Variants in TESMIN observed in about 807,000 individuals in gnomAD.
The protein encoded by TESMIN is CXC domain containing 2.
Under a neutral mutation model 47.4 loss-of-function variants are expected in TESMIN, and 34 were observed. That is an observed-to-expected ratio of 0.72 (90% CI 0.55 to 0.96). TESMIN has a LOEUF of 0.96. Ranked by LOEUF, TESMIN falls within the 40% of genes least tolerant of loss-of-function variation. The probability of loss-of-function intolerance (pLI) is 0.00; values close to 1 mark genes in which losing one functional copy is unlikely to be tolerated. For synonymous variants in TESMIN, 278 were observed against 258.9 expected, an observed-to-expected ratio of 1.07 and a Z score of -0.71; for missense variants, 610 against 637.2, an observed-to-expected ratio of 0.96 and a Z score of 0.46.
intron 6 of TESMIN, among the ~76,000 whole-genome samples, chr11:68,725,937 C>A (rs1172545424): frequency 6.6e-6 from 1 of 152,096 alleles, no homozygotes; most frequent in African/African-American, 2.4e-5. Context: ...ATTCAGAGGG[C>A]CAAGCTAAAA....
At chr11:68,714,082 C>T (rs372667284) in intron 7 of TESMIN, among the ~76,000 whole-genome samples, 1 of 152,196 alleles carries the variant, frequency 6.6e-6, no homozygotes, top group East Asian at 1.9e-4. Context: ...CAAATACATA[C>T]ATATCTTTAC....
chr11:68,711,523 G>A (rs537242348), intron 8 of TESMIN, among the ~76,000 whole-genome samples: 2 of 152,158 alleles, frequency 1.3e-5, no homozygotes, highest in South Asian at 2.1e-4. Flanking sequence ...TGACAGAGTG[G>A]AGGCCGAGTG....
intron 8 of TESMIN, among the ~76,000 whole-genome samples, chr11:68,711,315 GGGT>G (rs1404509714): frequency 1.1e-4 from 16 of 151,086 alleles, no homozygotes; most frequent in Non-Finnish European, 1.5e-4. Flanking sequence ...AGTGTGTGTG[GGGT>G]GTGTGTGTGT....
intron 1 of TESMIN, 69 bp from the exon 2 acceptor site, chr11:68,750,768 ACAGCCAAGGGAGGGG>A (rs56362236): frequency 0.49 from 110,158 of 222,624 alleles, 36,154 homozygotes; most frequent in East Asian, 0.8. Flanking sequence ...AGGAAAGGGG[ACAGCCAAGGGAGGGG>A]CAGCCAAGGG....
intron 6 of TESMIN, among the ~76,000 whole-genome samples, chr11:68,726,422 A>G (rs1477243968): frequency 1.3e-5 from 2 of 152,216 alleles, no homozygotes; most frequent in East Asian, 3.8e-4. Context: ...TTCTCAAAAC[A>G]AGCCTCAAAG....
chr11:68,736,363 T>A, intron 6 of TESMIN: 2 of 985,494 alleles, frequency 2.0e-6, no homozygotes, highest in South Asian at 9.4e-5. Context: ...GCTCGCACAC[T>A]CAGCCTGCTG....
intron 6 of TESMIN, chr11:68,737,626 A>G (rs1433369068): frequency 1.0e-6 from 1 of 985,720 alleles, no homozygotes; most frequent in East Asian, 1.1e-4. Context: ...GGGCCCAAAG[A>G]ACTCCTGCAG....
chr11:68,740,330 C>T (rs921584268), intron 5 of TESMIN, among the ~76,000 whole-genome samples: 13 of 152,064 alleles, frequency 8.5e-5, no homozygotes, highest in African/African-American at 2.9e-4. Context: ...AAACGATTCT[C>T]GAGAAGCAGC....
rs761617352 is a variant in TESMIN at position 68,750,550 on chromosome 11, G to T, written c.111C>A (p.Ala37=). 5.0e-5 allele frequency: 80 copies of T among 1,606,916 alleles called. No homozygotes were observed. Among genetic ancestry groups the T allele is most frequent in the Non-Finnish European group, 6.4e-5 (75 of 1,177,582 alleles). ...ACTCGTCCTCCTCGTACTTCACGGG[G>T]GCCTTCAGGCCGATGTTCTCCGAAG... ...PFASENIGLK[A]PVKYEEDEFH... is the part of the protein sequence containing the mutation. Residue 37 remains alanine (A), a synonymous_variant, in exon 2 of 10, where the codon GCC becomes GCA. Coordinates refer to ENST00000255087, the MANE Select transcript of TESMIN (RefSeq NM_004923.3).
At chr11:68,705,454 C>G (rs1274252381), downstream of TESMIN, among the ~76,000 whole-genome samples, 4 of 152,168 alleles carry the variant, frequency 2.6e-5, no homozygotes, top group African/African-American at 9.7e-5. Flanking sequence ...AAAAATACAC[C>G]AAGCCTTCTG....
intron 3 of TESMIN, among the ~76,000 whole-genome samples, chr11:68,745,440 C>T (rs1404204799): frequency 6.6e-6 from 1 of 152,136 alleles, no homozygotes; most frequent in Admixed American, 6.5e-5. Context: ...TGCCCCAGAG[C>T]TTCCTTTGTC....
At chr11:68,723,891 A>C (rs1946231469) in intron 6 of TESMIN, among the ~76,000 whole-genome samples, 1 of 151,854 alleles carries the variant, frequency 6.6e-6, no homozygotes, top group Non-Finnish European at 1.5e-5. Context: ...CACCTTCACC[A>C]CTCCAACTCC....
Position 68,742,331 on chromosome 11 carries a change from A to G in TESMIN, c.815T>C (p.Leu272Pro), listed in dbSNP as rs761642708. The G allele has an allele frequency of 6.3e-7, 1 of 1,592,990 alleles. No homozygotes were observed. The highest frequency in any genetic ancestry group is 1.1e-5 in the South Asian group (1 of 88,920). ...RFLPASTKLN[L>P]ITQQLEGALP... ...ACAATGACTCACTTGTTGTGTAATGAGATTTAATTTTGTTGATGCTGGCAA... is the reference window on the plus strand; with the variant it reads ...ACAATGACTCACTTGTTGTGTAATGGGATTTAATTTTGTTGATGCTGGCAA... The change falls in exon 5 of 10, where the codon CTC (leucine) becomes CCC (proline). Residue 272 changes from leucine (L) to proline (P), a missense_variant. Transcript: ENST00000255087.
At chr11:68,743,503 C>A (rs1946483971) in intron 4 of TESMIN, among the ~76,000 whole-genome samples, 1 of 152,102 alleles carries the variant, frequency 6.6e-6, no homozygotes. Flanking sequence ...CCTGCCTCAG[C>A]CTCCCAAAGT....
Position 68,750,717 on chromosome 11 carries a change from G to A in TESMIN, c.-39-18C>T. 2.3e-6 allele frequency: 3 copies of A among 1,303,524 alleles called. No individual in the cohort carries two copies. The highest frequency in any genetic ancestry group is 3.1e-6 in the Non-Finnish European group (3 of 983,598). 80.7% of individuals were successfully genotyped at this position (1,303,524 alleles called of 1,614,324 possible). A position where few individuals can be genotyped will look rare whatever the true frequency, so the allele number is the denominator to read the frequency against. On this transcript the variant is annotated intron_variant, in intron 1 of 9. Transcript: ENST00000255087. The stretch of plus-strand genomic sequence containing the variant: ...CCGCGCACCTGCAACACGCGGCCAG[G>A]TGAGAGGCAGCCAGAGGAGAGGACG...
Position 68,708,143 on chromosome 11 carries a change from T to C in TESMIN, c.*165A>G. ...ATGCACCTCCTCAGAAAAGGGGGCA[T>C]GGGTTGCCACATCTTCAGAGAGCTC... On this transcript the variant is annotated 3_prime_UTR_variant, in exon 10 of 10. Transcript: ENST00000255087. 2 of 642,864 alleles carry C rather than the reference T, an allele frequency of 3.1e-6. No individual in the cohort carries two copies. Among genetic ancestry groups the C allele is most frequent in the East Asian group, 5.5e-5 (2 of 36,168 alleles). The allele number at this position is 642,864 out of a possible 1,614,324, so 39.8% of individuals were successfully genotyped here.
chr11:68,708,876 C>T (rs1004941784), intron 9 of TESMIN, among the ~76,000 whole-genome samples: 3 of 152,024 alleles, frequency 2.0e-5, no homozygotes, highest in Non-Finnish European at 4.4e-5. Flanking sequence ...CCTCAGCCTC[C>T]TGAGTAGCTG....
intron 5 of TESMIN, among the ~76,000 whole-genome samples, chr11:68,740,883 A>G (rs981929953): frequency 6.6e-6 from 1 of 152,076 alleles, no homozygotes; most frequent in African/African-American, 2.4e-5. Flanking sequence ...CAAATTTAAT[A>G]TATCCAAACG....
At chr11:68,731,979 T>C (rs1166684116) in intron 6 of TESMIN, among the ~76,000 whole-genome samples, 1 of 152,244 alleles carries the variant, frequency 6.6e-6, no homozygotes, top group African/African-American at 2.4e-5. Flanking sequence ...AATGTTCACG[T>C]TGTCTCTCCA....
Sources: allele counts gnomAD v4.1 joint callset (sites outside exome capture counted in the v4.1 genomes callset), GRCh38; gene constraint gnomAD v4.1.1; transcripts MANE v1.5; gene names NCBI Gene and HGNC (gene_info 2026-07-23, HGNC 2026-07-21).